TOM1L1: variants seen among roughly 807,000 people sequenced by gnomAD.
TOM1L1 encodes the protein target of myb1 like 1 membrane trafficking protein.
A neutral mutation model predicts 63.4 loss-of-function variants in TOM1L1; 64 were observed. That is an observed-to-expected ratio of 1.01 (90% CI 0.83 to 1.24). TOM1L1 has a LOEUF of 1.24. Among genes scored for constraint, TOM1L1 ranks in the 50% most tolerant of loss-of-function variants. The pLI, the probability that TOM1L1 is intolerant of heterozygous loss-of-function variation, is 0.00. For missense variants in TOM1L1, 536 were observed against 567.0 expected (o/e 0.95, Z 0.55); for synonymous variants, 166 against 194.4 (o/e 0.85, Z 1.22).
intron 7 of TOM1L1, among the ~76,000 whole-genome samples, chr17:54,927,953 C>T (rs2048795073): frequency 6.6e-6 from 1 of 152,162 alleles, no homozygotes; most frequent in Non-Finnish European, 1.5e-5. Context: ...TTGATGTTGG[C>T]TTCAAATTCA....
intron 8 of TOM1L1, among the ~76,000 whole-genome samples, chr17:54,932,618 A>T (rs1286358992): frequency 1.3e-5 from 2 of 152,082 alleles, no homozygotes; most frequent in Non-Finnish European, 2.9e-5. Context: ...ACGGGGTTTC[A>T]CCATGTTGCC....
At chr17:54,935,556 C>T (rs2048931049) in intron 8 of TOM1L1, among the ~76,000 whole-genome samples, 2 of 152,238 alleles carry the variant, frequency 1.3e-5, no homozygotes, top group East Asian at 3.9e-4. Context: ...CGTTCATCCA[C>T]CTGTGCTATC....
Position 54,961,533 on chromosome 17 carries a change from G to T in TOM1L1, c.*300G>T. ...TTTAACTGCAGTGTCATGTTTCACAGGCCTTCCTACATTTAGAAATCGTCA... is the reference window on the plus strand; with the variant it reads ...TTTAACTGCAGTGTCATGTTTCACATGCCTTCCTACATTTAGAAATCGTCA... On this transcript the variant is annotated 3_prime_UTR_variant, in exon 16 of 16. Coordinates refer to ENST00000575882, the MANE Select transcript of TOM1L1 (RefSeq NM_005486.3). The T allele has an allele frequency of 7.2e-7, 1 of 1,387,434 alleles. No homozygotes were observed. The highest frequency in any genetic ancestry group is 1.5e-5 in the African/African-American group (1 of 68,700). 85.9% of individuals were successfully genotyped at this position (1,387,434 alleles called of 1,614,324 possible).
intron 14 of TOM1L1, chr17:54,958,277 A>T (rs572297327): frequency 6.6e-6 from 1 of 152,394 alleles, no homozygotes; most frequent in South Asian, 2.1e-4. Flanking sequence ...TGAAAACTAG[A>T]TAATGGATTG....
chr17:54,916,119 C>T (rs945659766), intron 7 of TOM1L1: 17 of 422,994 alleles, frequency 4.0e-5, no homozygotes, highest in Non-Finnish European at 7.1e-5. Context: ...ACAATCAATT[C>T]TCTAGTTGTT....
chr17:54,937,867 A>G (rs760696142), intron 10 of TOM1L1: 6 of 151,616 alleles, frequency 4.0e-5, no homozygotes, highest in Non-Finnish European at 8.8e-5. Context: ...AGAGTTACCT[A>G]TCTTACCTGT....
intron 12 of TOM1L1, 108 bp from the exon 13 acceptor site, chr17:54,949,410 C>A: frequency 1.3e-6 from 1 of 756,608 alleles, no homozygotes; most frequent in Non-Finnish European, 2.2e-6. Context: ...TTATTCTTGT[C>A]CAGTTCAAAG....
chr17:54,925,997 T>C (rs2048763166), intron 7 of TOM1L1, among the ~76,000 whole-genome samples: 2 of 152,206 alleles, frequency 1.3e-5, no homozygotes, highest in African/African-American at 4.8e-5. Flanking sequence ...AACTGTTCTG[T>C]TTCTTTGGAA....
intron 10 of TOM1L1, 27 bp downstream of exon 10, chr17:54,937,253 A>G: frequency 6.6e-7 from 1 of 1,522,306 alleles, no homozygotes; most frequent in South Asian, 1.1e-5. Context: ...GTCTTTTCAG[A>G]CCAGCAGAAG....
At chr17:54,932,015 C>T (rs988648348) in intron 8 of TOM1L1, among the ~76,000 whole-genome samples, 7 of 147,656 alleles carry the variant, frequency 4.7e-5, no homozygotes, top group African/African-American at 1.8e-4. Context: ...AGTGCAGTGG[C>T]ACGATCTTGG....
chr17:54,906,514 A>G (rs184447455), intron 3 of TOM1L1, among the ~76,000 whole-genome samples: 1 of 152,210 alleles, frequency 6.6e-6, no homozygotes, highest in East Asian at 1.9e-4. Flanking sequence ...GTATTAATTA[A>G]CCATAATTTA....
At chr17:54,941,096 T>C (rs1431719158) in intron 11 of TOM1L1, among the ~76,000 whole-genome samples, 1 of 152,224 alleles carries the variant, frequency 6.6e-6, no homozygotes, top group Admixed American at 6.5e-5. Context: ...CCTTCCATAG[T>C]GTCTTTAGGC....
At chr17:54,930,593 C>A (rs1049988768) in intron 8 of TOM1L1, among the ~76,000 whole-genome samples, 1 of 151,980 alleles carries the variant, frequency 6.6e-6, no homozygotes, top group African/African-American at 2.4e-5. Context: ...TATCCCCAGC[C>A]CTTTGGGAGG....
Position 54,942,856 on chromosome 17 carries a change from A to G in TOM1L1, c.1130+3836A>G, listed in dbSNP as rs376697950. On this transcript the variant is annotated intron_variant, in intron 11 of 15. Coordinates refer to ENST00000575882, the MANE Select transcript of TOM1L1 (RefSeq NM_005486.3). ...CACACCCTTGTACCCCTGACCCTCA[A>G]TCCCCAGCAGCCAGGAGTTTATTCT... 1.5e-3 allele frequency among the ~76,000 whole-genome samples: 227 copies of G among 152,264 alleles called. 7 individuals are homozygous for G. In the South Asian group the frequency reaches 0.046, roughly 31 times the overall value.
chr17:54,902,240 G>A (rs565606505), intron 1 of TOM1L1, among the ~76,000 whole-genome samples: 1 of 152,280 alleles, frequency 6.6e-6, no homozygotes, highest in African/African-American at 2.4e-5. Flanking sequence ...CTTTTCTAGG[G>A]AGGTAAGCTT....
chr17:54,943,162 T>A (rs1285026367), intron 11 of TOM1L1, among the ~76,000 whole-genome samples: 7 of 152,200 alleles, frequency 4.6e-5, no homozygotes, highest in Non-Finnish European at 4.4e-5. Flanking sequence ...TCTTCTGCAT[T>A]TTACTTGTAA....
chr17:54,902,674 T>C (rs2048346966), intron 1 of TOM1L1, among the ~76,000 whole-genome samples: 1 of 152,234 alleles, frequency 6.6e-6, no homozygotes, highest in Admixed American at 6.5e-5. Context: ...CTTCTCTATC[T>C]TTTTTGTTTT....
chr17:54,920,833 TC>T (rs2048671875), intron 7 of TOM1L1, among the ~76,000 whole-genome samples: 1 of 152,244 alleles, frequency 6.6e-6, no homozygotes, highest in Admixed American at 6.5e-5. Flanking sequence ...TAATCAGCAC[TC>T]ATTAGGATTT....
rs1230052697 is a variant in TOM1L1, at chr17:54,940,836, TC to T, written c.1130+1818del. On this transcript the variant is annotated intron_variant, in intron 11 of 15. Transcript: ENST00000575882. Reference sequence around the variant, plus strand: ...AGAGTGAAAGAGTGGTTACGTAAGTTCCAGAAGAGGCAGGATAGAATAAATA... The same window carrying T: ...AGAGTGAAAGAGTGGTTACGTAAGTTCAGAAGAGGCAGGATAGAATAAATA... 2.6e-5 allele frequency among the ~76,000 whole-genome samples: 4 copies of T among 152,224 alleles called. No individual in the cohort carries two copies. In the East Asian group the frequency reaches 7.7e-4, roughly 29 times the overall value.
Sources: allele counts gnomAD v4.1 joint callset (sites outside exome capture counted in the v4.1 genomes callset), GRCh38; gene constraint gnomAD v4.1.1; transcripts MANE v1.5; gene names NCBI Gene and HGNC (gene_info 2026-07-23, HGNC 2026-07-21).